Variants in CNBD1 observed in about 807,000 individuals in gnomAD.
CNBD1 encodes cyclic nucleotide binding domain containing 1, also known as cyclic nucleotide-binding domain-containing protein 1.
CNBD1 carries 71 observed loss-of-function variants against 54.4 expected under a neutral mutation model. The ratio of observed to expected loss-of-function variants is 1.30; its 90% CI spans 1.08 to 1.59. The LOEUF (loss-of-function observed/expected upper bound fraction) is 1.59, where lower values mean the gene tolerates loss of function less well. Ranked by LOEUF, CNBD1 falls within the 40% of genes most tolerant of loss-of-function variation. The pLI, the probability that CNBD1 is intolerant of heterozygous loss-of-function variation, is 0.00. For missense variants in CNBD1, 659 were observed against 518.0 expected, an observed-to-expected ratio of 1.27 and a Z score of -2.64; for synonymous variants, 182 against 170.7, an observed-to-expected ratio of 1.07 and a Z score of -0.51.
intron 10 of CNBD1, among the ~76,000 whole-genome samples, chr8:87,357,034 C>A (rs930971208): frequency 6.6e-6 from 1 of 152,162 alleles, no homozygotes; most frequent in Non-Finnish European, 1.5e-5. Context: ...AGCTATAAGC[C>A]TTTGTGGCTT....
At chr8:87,212,222 TAGAA>T (rs1814114189) in intron 5 of CNBD1, among the ~76,000 whole-genome samples, 2 of 152,134 alleles carry the variant, frequency 1.3e-5, no homozygotes, top group South Asian at 2.1e-4. Context: ...AGAAATTAAA[TAGAA>T]AGTAATCCAA....
chr8:87,028,817 A>G (rs1809712248), intron 4 of CNBD1, among the ~76,000 whole-genome samples: 1 of 152,234 alleles, frequency 6.6e-6, no homozygotes, highest in Non-Finnish European at 1.5e-5. Context: ...AAGCTTTAAG[A>G]CCAGCAGGGT....
chr8:87,381,070 C>T (rs1346636636), intron 10 of CNBD1, among the ~76,000 whole-genome samples: 1 of 151,984 alleles, frequency 6.6e-6, no homozygotes, highest in African/African-American at 2.4e-5. Flanking sequence ...GTTTGCACAG[C>T]AAAGGAACCA....
At chr8:86,913,698 C>A (rs7825717) in intron 3 of CNBD1, among the ~76,000 whole-genome samples, 143,968 of 152,250 alleles carry the variant, frequency 0.95, 68,168 homozygotes, top group East Asian at 1. Context: ...GCGAAACTAG[C>A]ATCACTAATG....
chr8:87,393,709 C>A (rs1811356148), intron 2 of CNBD1, among the ~76,000 whole-genome samples: 1 of 151,850 alleles, frequency 6.6e-6, no homozygotes, highest in African/African-American at 2.4e-5. Flanking sequence ...TGGTTAAAAT[C>A]TTAAGAACTA....
chr8:87,258,866 C>T (rs965608165), intron 6 of CNBD1, among the ~76,000 whole-genome samples: 3 of 152,068 alleles, frequency 2.0e-5, no homozygotes, highest in African/African-American at 7.2e-5. Context: ...AATAATATCC[C>T]TTTAGTGAAT....
intron 8 of CNBD1, among the ~76,000 whole-genome samples, chr8:87,320,629 G>A (rs1303490170): frequency 2.1e-5 from 3 of 144,528 alleles, no homozygotes; most frequent in African/African-American, 7.8e-5. Flanking sequence ...TGGGGGGGCG[G>A]CTCAGGGTAC....
intron 2 of CNBD1, among the ~76,000 whole-genome samples, chr8:87,388,282 A>T (rs976187768): frequency 6.6e-6 from 1 of 152,042 alleles, no homozygotes; most frequent in African/African-American, 2.4e-5. Flanking sequence ...TTAGAGACAC[A>T]AAAAACCCTT....
At chr8:86,968,348 G>A (rs746963802) in intron 4 of CNBD1, among the ~76,000 whole-genome samples, 2 of 152,040 alleles carry the variant, frequency 1.3e-5, no homozygotes, top group East Asian at 1.9e-4. Context: ...AATGTGAATT[G>A]CCCCCACCCT....
chr8:86,956,478 C>T (rs926072503), intron 4 of CNBD1, among the ~76,000 whole-genome samples: 2 of 152,166 alleles, frequency 1.3e-5, no homozygotes, highest in East Asian at 3.8e-4. Context: ...GAATGTTCTT[C>T]TATTTGTTTG....
chr8:87,099,541 A>C (rs1407814356), intron 4 of CNBD1, among the ~76,000 whole-genome samples: 10 of 152,188 alleles, frequency 6.6e-5, no homozygotes. Context: ...CTGGCTTCAA[A>C]GGCAAGTAGT....
chr8:87,180,457 C>A (rs1813288719), intron 4 of CNBD1, among the ~76,000 whole-genome samples: 2 of 152,096 alleles, frequency 1.3e-5, no homozygotes, highest in African/African-American at 4.8e-5. Context: ...TTGGCATACT[C>A]CAGTTTTAAC....
intron 4 of CNBD1, among the ~76,000 whole-genome samples, chr8:86,998,174 T>C (rs1325191098): frequency 6.6e-6 from 1 of 152,068 alleles, no homozygotes; most frequent in Admixed American, 6.6e-5. Flanking sequence ...CACAATGTTC[T>C]CATAACTACA....
At chr8:87,203,153 G>A (rs1586326737) in intron 4 of CNBD1, among the ~76,000 whole-genome samples, 1 of 152,140 alleles carries the variant, frequency 6.6e-6, no homozygotes, top group Non-Finnish European at 1.5e-5. Context: ...GGTAAAGGAA[G>A]TATACTGATA....
chr8:87,333,746 A>T (rs1586022910), intron 8 of CNBD1, among the ~76,000 whole-genome samples: 1 of 152,044 alleles, frequency 6.6e-6, no homozygotes, highest in East Asian at 1.9e-4. Context: ...AAGCTTTTTG[A>T]TGTGCTTCTG....
chr8:87,012,274 G>A (rs1324202491), intron 4 of CNBD1, among the ~76,000 whole-genome samples: 3 of 152,098 alleles, frequency 2.0e-5, no homozygotes, highest in Non-Finnish European at 4.4e-5. Flanking sequence ...TGGGAGCAGG[G>A]TTGAAGACTA....
intron 8 of CNBD1, among the ~76,000 whole-genome samples, chr8:87,303,536 G>T (rs62528136): frequency 4.0e-5 from 6 of 151,834 alleles, no homozygotes; most frequent in African/African-American, 9.7e-5. Flanking sequence ...TAAAAACCCT[G>T]GAAGAAAACC....
chr8:86,912,002 C>T (rs993299268), intron 3 of CNBD1, among the ~76,000 whole-genome samples: 6 of 151,796 alleles, frequency 4.0e-5, no homozygotes, highest in Non-Finnish European at 8.8e-5. Flanking sequence ...TTCCATGCCC[C>T]GGACTGCAAG....
At chr8:86,890,032 T>C (rs927332923) in intron 2 of CNBD1, among the ~76,000 whole-genome samples, 2 of 152,136 alleles carry the variant, frequency 1.3e-5, no homozygotes, top group African/African-American at 4.8e-5. Context: ...TTTTTGTATA[T>C]GTATACAATG....
Sources: gnomAD v4.1 joint callset for allele counts (sites outside exome capture counted in the v4.1 genomes callset) on GRCh38, gnomAD v4.1.1 for gene constraint, MANE v1.5 for transcripts, NCBI Gene and HGNC (gene_info 2026-07-23, HGNC 2026-07-21) for gene names.